The following SYNPO2 variants were observed in gnomAD, a reference collection of about 807,000 sequenced individuals.
SYNPO2 encodes the protein synaptopodin-2.
A neutral mutation model predicts 85.0 loss-of-function variants in SYNPO2; 56 were observed. The ratio of observed to expected loss-of-function variants is 0.66; its 90% confidence interval spans 0.53 to 0.82. SYNPO2 has a LOEUF of 0.82. SYNPO2 is among the 40% of genes least tolerant of loss of function. SYNPO2 has a pLI of 0.00. For missense variants in SYNPO2, 1,575 were observed against 1,534.2 expected, an observed-to-expected ratio of 1.03 and a Z score of -0.44; for synonymous variants, 602 against 591.1, an observed-to-expected ratio of 1.02 and a Z score of -0.27.
At position 118,861,989 on chromosome 4, in the gene SYNPO2, C is replaced by A. The variant is rs1302152825; in HGVS notation, c.12+11049C>A. ...AATCCATGAACATGGAATATCTTTC[C>A]ATTTTTTTGGTGTGTCCTCTTCAAT... On this transcript the variant is annotated intron_variant, in intron 1 of 4. Coordinates refer to the SYNPO2 transcript ENST00000610556. Among the ~76,000 whole-genome samples the A allele has an allele frequency of 1.3e-5, 2 of 151,996 alleles. 1 individual carries two copies. Among genetic ancestry groups the A allele is most frequent in the South Asian group, 4.1e-4 (2 of 4,824 alleles).
At chr4:118,946,649 T>A (rs914304050) in intron 1 of SYNPO2, among the ~76,000 whole-genome samples, 2 of 152,218 alleles carry the variant, frequency 1.3e-5, no homozygotes, top group Non-Finnish European at 2.9e-5. Context: ...ATGTTCTTTA[T>A]TTTTTAGAAT....
intron 1 of SYNPO2, among the ~76,000 whole-genome samples, chr4:118,977,064 T>C (rs1735788681): frequency 6.6e-6 from 1 of 152,110 alleles, no homozygotes; most frequent in Admixed American, 6.5e-5. Flanking sequence ...CCTCAGCCCT[T>C]GGGTGGTCGA....
intron 1 of SYNPO2, among the ~76,000 whole-genome samples, chr4:118,998,057 G>A (rs898805245): frequency 6.6e-6 from 1 of 152,184 alleles, no homozygotes; most frequent in Non-Finnish European, 1.5e-5. Context: ...GATTCTGACG[G>A]GGGTGGTAAG....
intron 4 of SYNPO2, chr4:119,034,114 A>G (rs997392793): frequency 4.1e-6 from 4 of 985,482 alleles, no homozygotes; most frequent in Non-Finnish European, 3.6e-6. Flanking sequence ...AGTTGTTTGT[A>G]TTACTTGTTC....
Position 119,022,512 on chromosome 4 carries a change from G to GTTT in SYNPO2, c.106-894_106-892dup, listed in dbSNP as rs778146297. The stretch of plus-strand genomic sequence containing the variant: ...GGGCTAATTTTTGCATTTTTTGTAG[G>GTTT]TTTTTTTTTTTTTTTTTTTTTTTTT... On this transcript the variant is annotated intron_variant, in intron 1 of 4. Coordinates refer to ENST00000307142, the MANE Select transcript of SYNPO2 (RefSeq NM_133477.3). 2.6e-4 allele frequency among the ~76,000 whole-genome samples: 23 copies of GTTT among 87,122 alleles called. 1 individual carries two copies. The highest frequency in any genetic ancestry group is 5.5e-4 in the South Asian group (1 of 1,820). 57.2% of individuals were successfully genotyped at this position (87,122 alleles called of 152,430 possible).
At chr4:119,020,784 C>T (rs183603041) in intron 1 of SYNPO2, among the ~76,000 whole-genome samples, 2 of 152,140 alleles carry the variant, frequency 1.3e-5, no homozygotes, top group African/African-American at 4.8e-5. Flanking sequence ...ACAACTCTAA[C>T]CCTGACATAG....
chr4:118,962,813 G>A (rs1008495616), intron 1 of SYNPO2, among the ~76,000 whole-genome samples: 21 of 152,202 alleles, frequency 1.4e-4, no homozygotes, highest in Non-Finnish European at 2.8e-4. Flanking sequence ...TATTTTTGGA[G>A]AATGACAAGT....
At position 119,057,557 on chromosome 4, in the gene SYNPO2, A is replaced by G. The variant is rs754152992; in HGVS notation, c.3409A>G (p.Lys1137Glu). 6 of 1,614,086 alleles carry G rather than the reference A, an allele frequency of 3.7e-6. No individual in the cohort carries two copies. The highest frequency in any genetic ancestry group is 5.1e-6 in the Non-Finnish European group (6 of 1,180,032). ...KRPTPWEAAA[K>E]SPLGLVDDAF... Reference sequence around the variant, plus strand: ...ACCAACTCCTTGGGAAGCAGCAGCAAAGTCTCCTCTCGGTCTAGTGGATGA... The same window carrying G: ...ACCAACTCCTTGGGAAGCAGCAGCAGAGTCTCCTCTCGGTCTAGTGGATGA... The change falls in exon 5 of 5, where the codon AAG becomes GAG. Residue 1137 changes from lysine to glutamate, a missense_variant. By Grantham distance (56) the Lys-to-Glu change is moderately conservative. Coordinates refer to ENST00000307142, the MANE Select transcript of SYNPO2 (RefSeq NM_133477.3).
chr4:118,969,390 A>C (rs1305782602), intron 1 of SYNPO2, among the ~76,000 whole-genome samples: 3 of 139,428 alleles, frequency 2.2e-5, no homozygotes, highest in Non-Finnish European at 4.6e-5. Flanking sequence ...GTTCGTTTAA[A>C]ATGGAAAATG....
In SYNPO2 at chr4:119,007,416, A is replaced by C. The variant is rs372487338; in HGVS notation, c.106-16014A>C. ...AAAACAAAAACAAAAAACAAACAAA[A>C]AAAAAACATAAAACAAAATGATCGG... On this transcript the variant is annotated intron_variant, in intron 1 of 4. Coordinates refer to ENST00000307142, the MANE Select transcript of SYNPO2 (RefSeq NM_133477.3). Among the ~76,000 whole-genome samples the C allele has an allele frequency of 4.3e-4, 65 of 150,512 alleles. 1 individual carries two copies. The highest frequency in any genetic ancestry group is 1.0e-3 in the African/African-American group (42 of 41,078).
chr4:119,041,156 T>C (rs1054160554), intron 4 of SYNPO2, among the ~76,000 whole-genome samples: 23 of 152,210 alleles, frequency 1.5e-4, no homozygotes, highest in African/African-American at 5.3e-4. Context: ...ATCTTGAAGA[T>C]AAAAAATCAA....
In SYNPO2 at chr4:118,909,284, A is replaced by C; in HGVS notation, c.105+20143A>C. On this transcript the variant is annotated intron_variant, in intron 1 of 4. Transcript: ENST00000307142. Reference sequence around the variant, plus strand: ...ACACGTAGACATCTATTCCATTTACATGGCTCTTAATTGAGTTTTGTCTTG... The same window carrying C: ...ACACGTAGACATCTATTCCATTTACCTGGCTCTTAATTGAGTTTTGTCTTG... 1.3e-5 allele frequency among the ~76,000 whole-genome samples: 2 copies of C among 152,176 alleles called. 1 individual carries two copies. The highest frequency in any genetic ancestry group is 3.9e-4 in the East Asian group (2 of 5,188).
At chr4:119,035,618 TA>T (rs1474315646) in intron 4 of SYNPO2, 1 of 985,332 alleles carries the variant, frequency 1.0e-6, no homozygotes, top group East Asian at 1.1e-4. Flanking sequence ...TTAACTGTTT[TA>T]TTTAATTTTC....
In SYNPO2 at chr4:118,854,846, T is replaced by C. The variant is rs537699891; in HGVS notation, c.12+3906T>C. Among the ~76,000 whole-genome samples, 8 of 152,276 alleles carry C rather than the reference T, an allele frequency of 5.3e-5. No individual in the cohort carries two copies. In the East Asian group the frequency reaches 1.3e-3, roughly 26 times the overall value. On this transcript the variant is annotated intron_variant, in intron 1 of 4. Transcript: ENST00000610556. ...TTGAACTATATAATTTGTATACACCTAATTTTGAAATAAAAAATAATTCAG... is the reference window on the plus strand; with the variant it reads ...TTGAACTATATAATTTGTATACACCCAATTTTGAAATAAAAAATAATTCAG...
intron 1 of SYNPO2, among the ~76,000 whole-genome samples, chr4:118,955,579 A>C (rs1038276871): frequency 2.0e-5 from 3 of 152,196 alleles, no homozygotes; most frequent in African/African-American, 7.2e-5. Flanking sequence ...GAAGTAGCGG[A>C]TAGAAAGCAT....
chr4:118,937,619 G>A (rs1734152718), intron 1 of SYNPO2, among the ~76,000 whole-genome samples: 1 of 152,024 alleles, frequency 6.6e-6, no homozygotes. Flanking sequence ...GAATCCTTGT[G>A]CTCTCACTTG....
In SYNPO2 at chr4:118,888,923, A is replaced by T; in HGVS notation, c.-114A>T. The T allele has an allele frequency of 2.9e-6, 3 of 1,050,330 alleles. No individual in the cohort carries two copies. The South Asian group carries it at 3.9e-5, about 14-fold the overall frequency. The allele number at this position is 1,050,330 out of a possible 1,614,324, so 65.1% of individuals were successfully genotyped here. A position where few individuals can be genotyped will look rare whatever the true frequency, so the allele number is the denominator to read the frequency against. ...GCTGCAGCAGCGGCGGACGCTCTGC[A>T]TTACCCAGTCTTGCGTCCTCGGCAG... On this transcript the variant is annotated 5_prime_UTR_variant, in exon 1 of 5. Coordinates refer to ENST00000307142, the MANE Select transcript of SYNPO2 (RefSeq NM_133477.3).
upstream of SYNPO2, among the ~76,000 whole-genome samples, chr4:118,885,471 T>A (rs537464937): frequency 1.4e-4 from 20 of 147,678 alleles, no homozygotes; most frequent in Admixed American, 2.7e-4. Context: ...CCATAGGTCT[T>A]TTTTTTTTTT....
intron 1 of SYNPO2, among the ~76,000 whole-genome samples, chr4:119,022,005 T>G (rs1226698696): frequency 6.6e-6 from 1 of 152,248 alleles, no homozygotes; most frequent in East Asian, 1.9e-4. Flanking sequence ...CTGCTTTTAC[T>G]TTCTGCAAAG....
Sources: allele counts gnomAD v4.1 joint callset (sites outside exome capture counted in the v4.1 genomes callset), GRCh38; gene constraint gnomAD v4.1.1; transcripts MANE v1.5; gene names NCBI Gene and HGNC (gene_info 2026-07-23, HGNC 2026-07-21).